Variants in ADAMTS6 observed in about 807,000 individuals in gnomAD.
The protein encoded by ADAMTS6 is A disintegrin and metalloproteinase with thrombospondin motifs 6.
ADAMTS6 carries 23 observed loss-of-function variants against 144.3 expected under a neutral mutation model. That is an observed-to-expected ratio of 0.16 (90% CI 0.11 to 0.23). ADAMTS6 has a LOEUF of 0.23. Ranked by LOEUF, ADAMTS6 falls within the 10% of genes least tolerant of loss-of-function variation. The pLI is 1.00. For missense variants in ADAMTS6, 999 were observed against 1,379.6 expected, an observed-to-expected ratio of 0.72 and a Z score of 4.37; for synonymous variants, 444 against 457.5, an observed-to-expected ratio of 0.97 and a Z score of 0.38.
At chr5:65,370,491 T>A (rs1057284699) in intron 7 of ADAMTS6, among the ~76,000 whole-genome samples, 3 of 152,140 alleles carry the variant, frequency 2.0e-5, no homozygotes, top group African/African-American at 7.2e-5. Context: ...GAGTTCCCTT[T>A]CCTAGTCAAA....
intron 15 of ADAMTS6, among the ~76,000 whole-genome samples, chr5:65,234,827 T>C (rs906646625): frequency 6.6e-6 from 1 of 152,174 alleles, no homozygotes; most frequent in Non-Finnish European, 1.5e-5. Context: ...TGAAGCATTA[T>C]TCACATTAGT....
Position 65,393,834 on chromosome 5 carries a change from A to C in ADAMTS6, c.1073+57641T>G, listed in dbSNP as rs189977447. Reference sequence around the variant, plus strand: ...CCAAAATGATGTTGATTTTAGGTTTAAGAGGATATAAAAAGAGGAGTTCTG... The same window carrying C: ...CCAAAATGATGTTGATTTTAGGTTTCAGAGGATATAAAAAGAGGAGTTCTG... On this transcript the variant is annotated intron_variant, in intron 7 of 24. Transcript: ENST00000381055. Among the ~76,000 whole-genome samples, 162 of 152,344 alleles carry C rather than the reference A, an allele frequency of 1.1e-3. 1 individual carries two copies. The highest frequency in any genetic ancestry group is 2.0e-3 in the Non-Finnish European group (135 of 68,020).
intron 24 of ADAMTS6, among the ~76,000 whole-genome samples, chr5:65,156,263 T>G (rs1752409489): frequency 1.3e-5 from 2 of 152,006 alleles, no homozygotes. Context: ...AAGCCTTTTC[T>G]CTTCTACCCT....
intron 7 of ADAMTS6, among the ~76,000 whole-genome samples, chr5:65,440,990 A>C (rs1757819411): frequency 1.3e-5 from 2 of 152,252 alleles, no homozygotes; most frequent in African/African-American, 4.8e-5. Flanking sequence ...CCAATCAAAG[A>C]TCACGAAGTA....
At position 65,181,638 on chromosome 5, in the gene ADAMTS6, C is replaced by A. The variant is rs79654335; in HGVS notation, c.2910+6378G>T. 6.6e-3 allele frequency among the ~76,000 whole-genome samples: 1,000 copies of A among 152,270 alleles called. 12 individuals carry two copies. The highest frequency in any genetic ancestry group is 0.023 in the African/African-American group (955 of 41,548). On this transcript the variant is annotated intron_variant, in intron 22 of 24. Transcript: ENST00000381055. ...TAGGGCCTACTCATTATCCATTTCT[C>A]TGTTATTATTGTATTCACAGGCTGC...
chr5:65,329,906 GTTACCAAAAAAAGGGGGAA>G (rs1236056340), intron 8 of ADAMTS6, among the ~76,000 whole-genome samples: 1 of 151,640 alleles, frequency 6.6e-6, no homozygotes, highest in Non-Finnish European at 1.5e-5. Context: ...CAACTTTCTA[GTTACCAAAAAAAGGGGGAA>G]TCCCAAATTA....
chr5:65,275,750 T>A (rs1178946620), intron 11 of ADAMTS6, among the ~76,000 whole-genome samples: 2 of 151,968 alleles, frequency 1.3e-5, no homozygotes, highest in African/African-American at 4.8e-5. Flanking sequence ...AATATATTCT[T>A]GTAGTTTAAT....
intron 14 of ADAMTS6, among the ~76,000 whole-genome samples, chr5:65,254,324 A>G (rs1303426488): frequency 1.3e-5 from 2 of 152,206 alleles, no homozygotes; most frequent in Non-Finnish European, 2.9e-5. Context: ...AATAGCAGGC[A>G]TATGGGAAAA....
At chr5:65,346,715 G>A (rs757594847) in intron 7 of ADAMTS6, among the ~76,000 whole-genome samples, 13 of 151,596 alleles carry the variant, frequency 8.6e-5, no homozygotes, top group Non-Finnish European at 1.9e-4. Context: ...ACATAAAATC[G>A]TCTCTGCTTT....
chr5:65,318,616 A>G lies in ADAMTS6; in HGVS notation c.1223+10762T>C, dbSNP rs116996691. ...ACTCGAGATCATTATGCTAAGCGAA[A>G]TAAGCCAGGCACAGAGAGACAAACT... is the stretch of plus-strand genomic sequence containing the variant. On this transcript the variant is annotated intron_variant, in intron 9 of 24. Coordinates refer to ENST00000381055, the MANE Select transcript of ADAMTS6 (RefSeq NM_197941.4). 7.5e-4 allele frequency among the ~76,000 whole-genome samples: 115 copies of G among 152,326 alleles called. No individual in the cohort carries two copies. The East Asian group carries it at 0.01, about 14-fold the overall frequency.
chr5:65,288,332 T>C (rs1204747514), intron 11 of ADAMTS6, among the ~76,000 whole-genome samples: 1 of 131,736 alleles, frequency 7.6e-6, no homozygotes, highest in Non-Finnish European at 1.6e-5. Flanking sequence ...TTTTTTTTTT[T>C]AAGATGGAGT....
intron 9 of ADAMTS6, among the ~76,000 whole-genome samples, chr5:65,322,792 G>T: frequency 6.6e-6 from 1 of 151,944 alleles, no homozygotes; most frequent in East Asian, 1.9e-4. Flanking sequence ...GGGATGATGG[G>T]GTTTTCTAGA....
chr5:65,223,105 G>A (rs1895430), intron 18 of ADAMTS6, among the ~76,000 whole-genome samples: 1 of 152,082 alleles, frequency 6.6e-6, no homozygotes, highest in East Asian at 1.9e-4. Context: ...CAAGGATGTA[G>A]AGCAGCTGGA....
At chr5:65,365,964 T>C (rs2150111298) in intron 7 of ADAMTS6, among the ~76,000 whole-genome samples, 1 of 152,092 alleles carries the variant, frequency 6.6e-6, no homozygotes, top group South Asian at 2.1e-4. Context: ...TGCTAAGAGA[T>C]AAGTTTCTGG....
intron 21 of ADAMTS6, among the ~76,000 whole-genome samples, chr5:65,193,963 T>C (rs983221997): frequency 2.0e-5 from 3 of 152,196 alleles, no homozygotes; most frequent in African/African-American, 7.2e-5. Flanking sequence ...TATATACACA[T>C]GCCTCTGTAT....
At chr5:65,394,169 A>G (rs1159508602) in intron 7 of ADAMTS6, among the ~76,000 whole-genome samples, 2 of 152,200 alleles carry the variant, frequency 1.3e-5, no homozygotes, top group Admixed American at 1.3e-4. Context: ...TAAGTCTTAC[A>G]TCACAGTCCA....
chr5:65,223,182 C>CT (rs1187642564), intron 18 of ADAMTS6, among the ~76,000 whole-genome samples: 4 of 151,942 alleles, frequency 2.6e-5, no homozygotes, highest in African/African-American at 4.8e-5. Flanking sequence ...TTCATACTTT[C>CT]TTTTTTTTCC....
intron 11 of ADAMTS6, among the ~76,000 whole-genome samples, chr5:65,290,873 G>A (rs115019499): frequency 1.4e-3 from 213 of 151,966 alleles, no homozygotes; most frequent in African/African-American, 4.9e-3. Context: ...CTTGGTTGTG[G>A]TGCTGGAATG....
chr5:65,267,567 C>T (rs567384058), intron 12 of ADAMTS6, among the ~76,000 whole-genome samples: 1 of 152,136 alleles, frequency 6.6e-6, no homozygotes, highest in Non-Finnish European at 1.5e-5. Flanking sequence ...TAAACAACAT[C>T]TCTTGCTATT....
Sources: gnomAD v4.1 joint callset for allele counts (sites outside exome capture counted in the v4.1 genomes callset) on GRCh38, gnomAD v4.1.1 for gene constraint, MANE v1.5 for transcripts, NCBI Gene and HGNC (gene_info 2026-07-23, HGNC 2026-07-21) for gene names.